The following RAB2A variants were observed in gnomAD, a reference collection of about 807,000 sequenced individuals.
RAB2A encodes the protein ras-related protein Rab-2A.
Under a neutral mutation model 32.5 loss-of-function variants are expected in RAB2A, and 7 were observed. The observed-to-expected ratio is 0.22, with a 90% CI of 0.12 to 0.40. RAB2A has a LOEUF of 0.40. Among genes scored for constraint, RAB2A ranks in the 10% least tolerant of loss-of-function variants. The pLI, the probability that RAB2A is intolerant of heterozygous loss-of-function variation, is 1.00. For missense variants in RAB2A, 108 were observed against 260.7 expected, an observed-to-expected ratio of 0.41 and a Z score of 4.03; for synonymous variants, 79 against 85.2, an observed-to-expected ratio of 0.93 and a Z score of 0.40.
chr8:60,591,394 G>A (rs1803942073), intron 5 of RAB2A, among the ~76,000 whole-genome samples: 1 of 149,064 alleles, frequency 6.7e-6, no homozygotes, highest in Non-Finnish European at 1.5e-5. Context: ...GATCAATGAT[G>A]TAATGTATCT....
At chr8:60,574,567 T>C (rs1808241870) in intron 3 of RAB2A, among the ~76,000 whole-genome samples, 3 of 152,262 alleles carry the variant, frequency 2.0e-5, no homozygotes, top group African/African-American at 7.2e-5. Flanking sequence ...TAGGTTATTT[T>C]AGTTTATTCA....
intron 1 of RAB2A, among the ~76,000 whole-genome samples, chr8:60,550,246 T>C (rs1175006451): frequency 1.3e-5 from 2 of 151,584 alleles, no homozygotes; most frequent in Non-Finnish European, 2.9e-5. Context: ...CTTCTCTTTC[T>C]CAAAAAATTC....
At chr8:60,526,505 T>C (rs1807391758) in intron 1 of RAB2A, among the ~76,000 whole-genome samples, 1 of 152,350 alleles carries the variant, frequency 6.6e-6, no homozygotes, top group East Asian at 1.9e-4. Flanking sequence ...GGATAATACA[T>C]GCTAATCTCC....
chr8:60,623,581 G>A lies in RAB2A; in HGVS notation c.*2812G>A, dbSNP rs1235937367. ...ATCTACCTGTATTTCTCAGAGTTTA[G>A]ATGTGTGCTTTATGTTTACATTAAA... On this transcript the variant is annotated 3_prime_UTR_variant, in exon 8 of 8. Coordinates refer to ENST00000262646, the MANE Select transcript of RAB2A (RefSeq NM_002865.3). 6.6e-6 allele frequency: 1 copy of A among 152,174 alleles called. No individual in the cohort carries two copies. Among genetic ancestry groups the A allele is most frequent in the East Asian group, 1.9e-4 (1 of 5,198 alleles). The allele number at this position is 152,174 out of a possible 1,614,324, so 9.4% of individuals were successfully genotyped here.
rs7413 is a variant in RAB2A, at chr8:60,621,869, A to T, written c.*1100A>T. ...ATATGACAATAAATCTATCAGATGG[A>T]AAATCCTGTTACAAAGTAGAAAAGC... On this transcript the variant is annotated 3_prime_UTR_variant, in exon 8 of 8. Transcript: ENST00000262646. 6.6e-6 allele frequency: 1 copy of T among 151,914 alleles called. No individual in the cohort carries two copies. Among genetic ancestry groups the T allele is most frequent in the African/African-American group, 2.4e-5 (1 of 41,370 alleles). The allele number at this position is 151,914 out of a possible 1,614,324, so 9.4% of individuals were successfully genotyped here.
chr8:60,593,202 G>C (rs1803969939), intron 6 of RAB2A, among the ~76,000 whole-genome samples: 1 of 152,148 alleles, frequency 6.6e-6, no homozygotes, highest in Non-Finnish European at 1.5e-5. Context: ...ATGTCACCAG[G>C]TGATTTCATC....
chr8:60,528,941 T>C (rs1039720567), intron 1 of RAB2A, among the ~76,000 whole-genome samples: 27 of 152,180 alleles, frequency 1.8e-4, no homozygotes, highest in African/African-American at 6.5e-4. Flanking sequence ...GCACTCCAGC[T>C]AGCTCAAGAA....
intron 1 of RAB2A, among the ~76,000 whole-genome samples, chr8:60,526,058 A>ATATATATATATAT (rs1276186776): frequency 1.3e-4 from 6 of 46,714 alleles, no homozygotes; most frequent in Non-Finnish European, 2.3e-4. Flanking sequence ...TATATATATA[A>ATATATATATATAT]GTTTTCTGTT....
At chr8:60,556,661 AAG>A (rs1554553888) in intron 1 of RAB2A, among the ~76,000 whole-genome samples, 11 of 150,088 alleles carry the variant, frequency 7.3e-5, no homozygotes, top group Non-Finnish European at 1.2e-4. Flanking sequence ...AAAAAAAAAA[AAG>A]AGGAAGAAGA....
chr8:60,588,527 C>G (rs1466254937), intron 5 of RAB2A, among the ~76,000 whole-genome samples: 1 of 152,118 alleles, frequency 6.6e-6, no homozygotes, highest in Non-Finnish European at 1.5e-5. Context: ...TTGATACATG[C>G]AGCAAAATGG....
At chr8:60,519,521 T>C (rs1209318678) in intron 1 of RAB2A, among the ~76,000 whole-genome samples, 3 of 152,210 alleles carry the variant, frequency 2.0e-5, no homozygotes, top group African/African-American at 4.8e-5. Context: ...TAAGCTCTTA[T>C]TGTGTGAAGA....
At chr8:60,601,549 G>C (rs1297181380) in intron 6 of RAB2A, among the ~76,000 whole-genome samples, 1 of 152,128 alleles carries the variant, frequency 6.6e-6, no homozygotes, top group African/African-American at 2.4e-5. Context: ...TGTTGCCCAG[G>C]CTAGTCTCAA....
intron 1 of RAB2A, among the ~76,000 whole-genome samples, chr8:60,550,459 G>A (rs950910062): frequency 1.3e-5 from 2 of 151,040 alleles, no homozygotes; most frequent in East Asian, 2.0e-4. Flanking sequence ...ATCTCGGCTC[G>A]CTGCAACCTC....
chr8:60,570,841 CACAGTTGGGGAG>C (rs1808187758), intron 2 of RAB2A, among the ~76,000 whole-genome samples: 1 of 152,140 alleles, frequency 6.6e-6, no homozygotes, highest in Admixed American at 6.5e-5. Flanking sequence ...CCCTTCTAAT[CACAGTTGGGGAG>C]TTATGGGAGA....
At chr8:60,540,132 A>G (rs542498901) in intron 1 of RAB2A, among the ~76,000 whole-genome samples, 12 of 150,582 alleles carry the variant, frequency 8.0e-5, no homozygotes, top group Non-Finnish European at 8.9e-5. Context: ...ATTTTAATAT[A>G]GTAGCGTAGA....
intron 3 of RAB2A, 81 bp downstream of exon 3, chr8:60,572,194 TA>T: frequency 9.4e-7 from 1 of 1,058,762 alleles, no homozygotes; most frequent in Non-Finnish European, 1.4e-6. Flanking sequence ...TTAATGTTAT[TA>T]TATGCCTGTT....
intron 1 of RAB2A, among the ~76,000 whole-genome samples, chr8:60,522,370 A>G (rs1230821525): frequency 6.6e-6 from 1 of 151,720 alleles, no homozygotes; most frequent in Non-Finnish European, 1.5e-5. Context: ...GGATTTTTAT[A>G]TATGTGTAAA....
At chr8:60,531,818 T>A (rs1430582632) in intron 1 of RAB2A, among the ~76,000 whole-genome samples, 1 of 151,456 alleles carries the variant, frequency 6.6e-6, no homozygotes, top group African/African-American at 2.4e-5. Context: ...TTTTTTTTTT[T>A]TAACACGGAT....
intron 6 of RAB2A, among the ~76,000 whole-genome samples, chr8:60,611,276 A>G (rs1425562340): frequency 6.6e-6 from 1 of 152,040 alleles, no homozygotes; most frequent in Non-Finnish European, 1.5e-5. Flanking sequence ...TCCTCTGCCT[A>G]TAGGGCCACA....
Sources: allele counts gnomAD v4.1 joint callset (sites outside exome capture counted in the v4.1 genomes callset), GRCh38; gene constraint gnomAD v4.1.1; transcripts MANE v1.5; gene names NCBI Gene and HGNC (gene_info 2026-07-23, HGNC 2026-07-21).